The following TRERF1 variants were observed in gnomAD, a reference collection of about 807,000 sequenced individuals.
TRERF1 encodes the protein transcriptional-regulating factor 1.
TRERF1 carries 27 observed loss-of-function variants against 122.9 expected under a neutral mutation model. The ratio of observed to expected loss-of-function variants is 0.22; its 90% CI spans 0.16 to 0.30. The LOEUF is 0.30. TRERF1 is among the 10% of genes least tolerant of loss of function. The pLI is 1.00. For synonymous variants in TRERF1, 636 were observed against 641.7 expected, an observed-to-expected ratio of 0.99 and a Z score of 0.13; for missense variants, 1,248 against 1,560.3, an observed-to-expected ratio of 0.80 and a Z score of 3.37.
chr6:42,447,877 G>C (rs998963432), intron 2 of TRERF1, among the ~76,000 whole-genome samples: 1 of 151,924 alleles, frequency 6.6e-6, no homozygotes, highest in Non-Finnish European at 1.5e-5. Context: ...GCTAATTTTT[G>C]TATTTTTGTA....
In TRERF1 at chr6:42,372,656, A is replaced by G. The variant is rs149550177; in HGVS notation, c.-453-9577T>C. On this transcript the variant is annotated intron_variant, in intron 2 of 17. Transcript: ENST00000372922. ...CGCACACTCAAAACAGCCAGACAACATCCCAAGGGATGGCAGAGAATCGCC... is the reference window on the plus strand; with the variant it reads ...CGCACACTCAAAACAGCCAGACAACGTCCCAAGGGATGGCAGAGAATCGCC... 5.0e-3 allele frequency among the ~76,000 whole-genome samples: 755 copies of G among 152,348 alleles called. 8 individuals carry two copies. The highest frequency in any genetic ancestry group is 0.017 in the African/African-American group (696 of 41,576).
chr6:42,397,111 C>T (rs1474133547), intron 2 of TRERF1, among the ~76,000 whole-genome samples: 1 of 152,154 alleles, frequency 6.6e-6, no homozygotes, highest in Non-Finnish European at 1.5e-5. Context: ...AACTGATCTG[C>T]AGCCCTGGAA....
In TRERF1 at chr6:42,236,592, G is replaced by A. The variant is rs146707703; in HGVS notation, c.2860-181C>T. 1.4e-3 allele frequency among the ~76,000 whole-genome samples: 216 copies of A among 152,252 alleles called. 2 individuals are homozygous for A. The highest frequency in any genetic ancestry group is 6.8e-3 in the Middle Eastern group (2 of 294). On this transcript the variant is annotated intron_variant, in intron 15 of 17. Coordinates refer to ENST00000372922, the Ensembl canonical transcript of TRERF1. ...CGTGATCCTCAAAAGGTTGGTCTCC[G>A]GATGCTTAGGACTTCGAGGTCAAGG...
At chr6:42,357,199 C>A (rs771568325) in intron 3 of TRERF1, among the ~76,000 whole-genome samples, 1 of 151,556 alleles carries the variant, frequency 6.6e-6, no homozygotes, top group Non-Finnish European at 1.5e-5. Flanking sequence ...CATGGTGGTG[C>A]GTGCCTGTAA....
intron 16 of TRERF1, among the ~76,000 whole-genome samples, chr6:42,233,476 A>G (rs190672885): frequency 0.066 from 10,036 of 151,750 alleles, 556 homozygotes; most frequent in African/African-American, 0.16. Flanking sequence ...TAGTAGAGAC[A>G]GGGTTTCACC....
At chr6:42,348,806 A>G (rs142446647) in intron 3 of TRERF1, among the ~76,000 whole-genome samples, 146 of 152,320 alleles carry the variant, frequency 9.6e-4, no homozygotes, top group African/African-American at 3.4e-3. Context: ...TATTTAATGA[A>G]GAACACTGCA....
intron 3 of TRERF1, among the ~76,000 whole-genome samples, chr6:42,320,506 A>ATTTTTTTTTT (rs397977723): frequency 2.9e-5 from 4 of 136,784 alleles, no homozygotes; most frequent in East Asian, 2.1e-4. Flanking sequence ...AAGTGAAAGA[A>ATTTTTTTTTT]TTTTTTTTTT....
intron 3 of TRERF1, among the ~76,000 whole-genome samples, chr6:42,310,353 C>G (rs1237733150): frequency 6.6e-6 from 1 of 152,250 alleles, no homozygotes; most frequent in Non-Finnish European, 1.5e-5. Flanking sequence ...TCCCTCAATG[C>G]AGAGTCCTAT....
intron 4 of TRERF1, among the ~76,000 whole-genome samples, chr6:42,280,157 G>A (rs1041724890): frequency 1.3e-5 from 2 of 152,078 alleles, no homozygotes; most frequent in African/African-American, 4.8e-5. Flanking sequence ...ACGGTCCCAA[G>A]CTTTTCGCTT....
chr6:42,317,183 A>G (rs1762634892), intron 3 of TRERF1, among the ~76,000 whole-genome samples: 1 of 151,998 alleles, frequency 6.6e-6, no homozygotes, highest in African/African-American at 2.4e-5. Context: ...CTGGGAGACC[A>G]ATTTGAGTAA....
intron 3 of TRERF1, among the ~76,000 whole-genome samples, chr6:42,318,505 A>G (rs1170280779): frequency 1.3e-5 from 2 of 152,198 alleles, no homozygotes; most frequent in Non-Finnish European, 2.9e-5. Flanking sequence ...TCATTCAGTT[A>G]AGAGGAAGCT....
intron 3 of TRERF1, among the ~76,000 whole-genome samples, chr6:42,305,563 C>G (rs544606778): frequency 6.6e-6 from 1 of 152,178 alleles, no homozygotes; most frequent in African/African-American, 2.4e-5. Context: ...AGCCACAAGG[C>G]CGTTGAAAGG....
chr6:42,281,848 C>A (rs1782359184), intron 4 of TRERF1, among the ~76,000 whole-genome samples: 1 of 152,172 alleles, frequency 6.6e-6, no homozygotes, highest in African/African-American at 2.4e-5. Flanking sequence ...GGCACAGTGC[C>A]AAGTCCCTCA....
rs1436169307 is a variant in TRERF1, at chr6:42,393,160, G to T, written c.-453-30081C>A. ...CAGGTCAAGGGCTGTGGGCCAAGTG[G>T]TCAGTGCTAACAACCAGCATCTTTG... On this transcript the variant is annotated intron_variant, in intron 2 of 17. Coordinates refer to ENST00000372922, the Ensembl canonical transcript of TRERF1. The surrounding 1 kb of genome is among the most constrained non-coding windows in gnomAD (Gnocchi z 4.1). Among the ~76,000 whole-genome samples the T allele has an allele frequency of 6.6e-6, 1 of 152,202 alleles. No individual in the cohort carries two copies. The highest frequency in any genetic ancestry group is 1.5e-5 in the Non-Finnish European group (1 of 68,044).
intron 8 of TRERF1, among the ~76,000 whole-genome samples, chr6:42,261,793 C>T (rs1207246107): frequency 6.6e-6 from 1 of 152,212 alleles, no homozygotes; most frequent in African/African-American, 2.4e-5. Flanking sequence ...CTCTCTCACC[C>T]TTCCATTAAG....
At chr6:42,425,575 G>C (rs552045310) in intron 2 of TRERF1, among the ~76,000 whole-genome samples, 2 of 97,496 alleles carry the variant, frequency 2.1e-5, no homozygotes, top group Admixed American at 1.6e-4. Flanking sequence ...ATGGAGTCTC[G>C]CACTGTCGTC....
chr6:42,339,791 C>A (rs562144787), intron 3 of TRERF1, among the ~76,000 whole-genome samples: 185 of 152,340 alleles, frequency 1.2e-3, no homozygotes, highest in African/African-American at 4.2e-3. Context: ...TAGCCCAGTG[C>A]TCTTTCCCAG....
intron 12 of TRERF1, among the ~76,000 whole-genome samples, chr6:42,255,430 C>T (rs576050652): frequency 1.2e-4 from 18 of 152,326 alleles, no homozygotes; most frequent in Admixed American, 4.6e-4. Context: ...TAAAAGATGC[C>T]GCAGGCAGAG....
intron 2 of TRERF1, among the ~76,000 whole-genome samples, chr6:42,414,773 T>G (rs1267279719): frequency 2.0e-5 from 3 of 152,234 alleles, no homozygotes; most frequent in African/African-American, 7.2e-5. Flanking sequence ...GGTATTTTAT[T>G]GACGCACTAA....
Sources: allele counts gnomAD v4.1 joint callset (sites outside exome capture counted in the v4.1 genomes callset), GRCh38; gene constraint gnomAD v4.1.1; non-coding constraint Gnocchi (gnomAD v3.1); transcripts MANE v1.5; gene names NCBI Gene and HGNC (gene_info 2026-07-23, HGNC 2026-07-21).